The following PHLPP2 variants were observed in gnomAD, a reference collection of about 807,000 sequenced individuals.
PHLPP2 encodes PH domain leucine-rich repeat-containing protein phosphatase 2.
A neutral mutation model predicts 124.9 loss-of-function variants in PHLPP2; 66 were observed. The ratio of observed to expected loss-of-function variants is 0.53; its 90% confidence interval spans 0.43 to 0.65. PHLPP2 has a LOEUF of 0.65. PHLPP2 is among the 30% of genes least tolerant of loss of function. The pLI is 0.00. For missense variants in PHLPP2, 1,685 were observed against 1,600.4 expected (o/e 1.05, Z -0.90); for synonymous variants, 681 against 624.7 (o/e 1.09, Z -1.34).
At chr16:71,700,261 C>T (rs1370926128) in intron 3 of PHLPP2, among the ~76,000 whole-genome samples, 1 of 151,938 alleles carries the variant, frequency 6.6e-6, no homozygotes, top group Non-Finnish European at 1.5e-5. Flanking sequence ...AAAAATTAGC[C>T]AGGTGCAGTG....
intron 3 of PHLPP2, among the ~76,000 whole-genome samples, chr16:71,701,185 A>T (rs2045229064): frequency 6.6e-6 from 1 of 152,090 alleles, no homozygotes. Context: ...GCCCACAAAA[A>T]CTATATAATT....
chr16:71,684,326 A>G, intron 5 of PHLPP2, 150 bp downstream of exon 5: 1 of 647,598 alleles, frequency 1.5e-6, no homozygotes, highest in South Asian at 2.0e-5. Context: ...GGGTTTCACC[A>G]TGTTGGTCAG....
intron 11 of PHLPP2, 70 bp downstream of exon 11, chr16:71,669,205 G>C: frequency 2.7e-6 from 3 of 1,103,232 alleles, no homozygotes; most frequent in African/African-American, 3.1e-5. Flanking sequence ...CCCAAATCTA[G>C]AAAAAAATTT....
chr16:71,696,594 A>C (rs1597010464), intron 3 of PHLPP2, among the ~76,000 whole-genome samples: 2 of 148,306 alleles, frequency 1.3e-5, no homozygotes, highest in Admixed American at 1.4e-4. Context: ...CTGAGATTGC[A>C]CCCGGCCTAG....
intron 2 of PHLPP2, among the ~76,000 whole-genome samples, chr16:71,708,552 C>T (rs1164410575): frequency 6.6e-6 from 1 of 152,194 alleles, no homozygotes; most frequent in Non-Finnish European, 1.5e-5. Flanking sequence ...GTTTGGTGGT[C>T]TCTTCGCACG....
Position 71,652,844 on chromosome 16 carries a change from C to T in PHLPP2, c.2763G>A (p.Glu921=), listed in dbSNP as rs776177224. The part of the protein sequence containing the change: ...PVPLSKVFSL[E]QDPEEAQRVK... The stretch of plus-strand genomic sequence containing the variant: ...CCCTTTGAGCCTCCTCTGGGTCCTG[C>T]TCCAGGCTGAAGACTTTAGAGAGGG... Residue 921 remains glutamate (E), a synonymous_variant, in exon 18 of 19, where the codon GAG becomes GAA. Coordinates refer to ENST00000568954, the MANE Select transcript of PHLPP2 (RefSeq NM_015020.3). 11 of 1,614,186 alleles carry T rather than the reference C, an allele frequency of 6.8e-6. No individual in the cohort carries two copies. Among genetic ancestry groups the T allele is most frequent in the Non-Finnish European group, 8.5e-6 (10 of 1,180,040 alleles).
At chr16:71,687,342 G>A (rs566193705) in intron 4 of PHLPP2, among the ~76,000 whole-genome samples, 34 of 152,172 alleles carry the variant, frequency 2.2e-4, no homozygotes, top group Non-Finnish European at 3.5e-4. Flanking sequence ...TCATATAAAT[G>A]TCTCATATGC....
Position 71,648,250 on chromosome 16 carries a change from CCAGG to C in PHLPP2, c.*636_*639del, listed in dbSNP as rs1407085221. Reference sequence around the variant, plus strand: ...TCCACAGAAATAGTCCCTTTCCTGCCCAGGCAGGCAAATTCTCAAAATGATCCTA... The same window carrying C: ...TCCACAGAAATAGTCCCTTTCCTGCCCAGGCAAATTCTCAAAATGATCCTA... On this transcript the variant is annotated 3_prime_UTR_variant, in exon 19 of 19. Coordinates refer to ENST00000568954, the MANE Select transcript of PHLPP2 (RefSeq NM_015020.3). The C allele has an allele frequency of 6.5e-6, 1 of 154,012 alleles. No individual in the cohort carries two copies. Among genetic ancestry groups the C allele is most frequent in the East Asian group, 1.9e-4 (1 of 5,196 alleles). 9.5% of individuals were successfully genotyped at this position (154,012 alleles called of 1,614,324 possible). A position where few individuals can be genotyped will look rare whatever the true frequency, so the allele number is the denominator to read the frequency against.
intron 3 of PHLPP2, among the ~76,000 whole-genome samples, chr16:71,701,780 T>C (rs939571692): frequency 5.3e-5 from 8 of 152,152 alleles, no homozygotes; most frequent in Non-Finnish European, 1.2e-4. Context: ...GTACAAGATA[T>C]TTTGAGAGAG....
chr16:71,705,713 T>C (rs1340330158), intron 2 of PHLPP2, among the ~76,000 whole-genome samples: 5 of 152,160 alleles, frequency 3.3e-5, no homozygotes, highest in Admixed American at 6.5e-5. Context: ...GGTTTTATCA[T>C]ACTGGCCAGG....
Position 71,690,703 on chromosome 16 carries a change from G to T in PHLPP2, c.425C>A (p.Pro142Gln). The change falls in exon 4 of 19, where the codon CCA (proline) becomes CAA (glutamine). Residue 142 changes from proline (P) to glutamine (Q), a missense_variant. Physicochemically the swap from Pro to Gln is moderately conservative, Grantham distance 76 (BLOSUM62 -1). Transcript: ENST00000568954. The part of the protein sequence containing the change: ...GCMIRFYGEK[P>Q]CHMDRLDRIL... ...TCGATCCAAACGATCCATGTGGCAT[G>T]GTTTTTCTGAAAAGGAAATAATACT... 3.7e-6 allele frequency: 6 copies of T among 1,606,056 alleles called. No homozygotes were observed. The highest frequency in any genetic ancestry group is 5.1e-6 in the Non-Finnish European group (6 of 1,175,644).
chr16:71,692,934 G>C (rs953905404), intron 3 of PHLPP2, among the ~76,000 whole-genome samples: 1 of 151,922 alleles, frequency 6.6e-6, no homozygotes, highest in Admixed American at 6.6e-5. Context: ...ATATTCCTAA[G>C]TTCTAGTTCC....
chr16:71,684,282 C>T (rs2045031838), intron 5 of PHLPP2, among the ~76,000 whole-genome samples, 194 bp downstream of exon 5: 1 of 151,764 alleles, frequency 6.6e-6, no homozygotes, highest in Non-Finnish European at 1.5e-5. Context: ...CATGCCACCA[C>T]ACCCAGCTAA....
At chr16:71,664,578 C>T (rs2044822186) in intron 12 of PHLPP2, among the ~76,000 whole-genome samples, 1 of 151,996 alleles carries the variant, frequency 6.6e-6, no homozygotes, top group Non-Finnish European at 1.5e-5. Context: ...GAAACCCCGT[C>T]TCTACTAAAA....
At position 71,647,078 on chromosome 16, in the gene PHLPP2, C is replaced by T. The variant is rs1335247242; in HGVS notation, c.*1812G>A. 6.6e-6 allele frequency: 1 copy of T among 152,522 alleles called. No individual in the cohort carries two copies. Among genetic ancestry groups the T allele is most frequent in the African/African-American group, 2.4e-5 (1 of 41,412 alleles). 9.4% of individuals were successfully genotyped at this position (152,522 alleles called of 1,614,324 possible). A position where few individuals can be genotyped will look rare whatever the true frequency, so the allele number is the denominator to read the frequency against. ...CACACGAAAATATATTTATATTTAA[C>T]CCTCTCTTTAACATAGTTTCTGATG... On this transcript the variant is annotated 3_prime_UTR_variant, in exon 19 of 19. Coordinates refer to ENST00000568954, the MANE Select transcript of PHLPP2 (RefSeq NM_015020.3).
intron 13 of PHLPP2, among the ~76,000 whole-genome samples, chr16:71,661,137 G>C (rs1386525775): frequency 6.7e-6 from 1 of 149,480 alleles, no homozygotes; most frequent in African/African-American, 2.5e-5. Flanking sequence ...CGCAATCTCA[G>C]TTCACTGGAA....
chr16:71,690,769 G>A, intron 3 of PHLPP2, 60 bp from the exon 4 acceptor site: 2 of 1,159,808 alleles, frequency 1.7e-6, no homozygotes, highest in Non-Finnish European at 1.2e-6. Flanking sequence ...TACAGAAATG[G>A]AAAAAGAAAG....
At chr16:71,717,863 A>G (rs1160634210) in intron 1 of PHLPP2, among the ~76,000 whole-genome samples, 1 of 152,164 alleles carries the variant, frequency 6.6e-6, no homozygotes, top group Non-Finnish European at 1.5e-5. Context: ...CTGACCTTCT[A>G]AATCTTAGAA....
intron 3 of PHLPP2, among the ~76,000 whole-genome samples, chr16:71,701,443 T>C (rs997441117): frequency 1.3e-5 from 2 of 152,190 alleles, no homozygotes; most frequent in Non-Finnish European, 2.9e-5. Flanking sequence ...CAAACCATAC[T>C]AGCTTTTCTA....
Sources: gnomAD v4.1 joint callset for allele counts (sites outside exome capture counted in the v4.1 genomes callset) on GRCh38, gnomAD v4.1.1 for gene constraint, MANE v1.5 for transcripts, NCBI Gene and HGNC (gene_info 2026-07-23, HGNC 2026-07-21) for gene names.